Variants in USF3 observed in about 807,000 individuals in gnomAD.
USF3 encodes the protein upstream transcription factor family member 3.
USF3 carries 29 observed loss-of-function variants against 157.5 expected under a neutral mutation model. The observed-to-expected ratio is 0.18, with a 90% CI of 0.14 to 0.25. The LOEUF is 0.25. USF3 is among the 10% of genes least tolerant of loss of function. The pLI, the probability that USF3 is intolerant of heterozygous loss-of-function variation, is 1.00. For synonymous variants in USF3, 893 were observed against 941.4 expected, an observed-to-expected ratio of 0.95 and a Z score of 0.94; for missense variants, 2,381 against 2,667.6, an observed-to-expected ratio of 0.89 and a Z score of 2.37.
chr3:113,688,776 C>T (rs1024067815), intron 1 of USF3, among the ~76,000 whole-genome samples: 4 of 152,156 alleles, frequency 2.6e-5, no homozygotes, highest in South Asian at 2.1e-4. Context: ...CGCGGTGGCT[C>T]ACGCCTGTAA....
At chr3:113,675,005 G>T in intron 2 of USF3, 109 bp from the exon 3 acceptor site, 1 of 722,220 alleles carries the variant, frequency 1.4e-6, no homozygotes. Context: ...AAATAAAATT[G>T]ACATTGAAAA....
chr3:113,650,959 C>T lies in USF3; in HGVS notation c.*3985G>A, dbSNP rs1273005166. On this transcript the variant is annotated 3_prime_UTR_variant, in exon 7 of 7. Coordinates refer to ENST00000316407, the MANE Select transcript of USF3 (RefSeq NM_001009899.4). ...TTACAATAAAAACAAAAATAAATTT[C>T]CTGAACCGGTATAAAACAACATATA... 6.6e-6 allele frequency: 1 copy of T among 152,118 alleles called. No individual in the cohort carries two copies. The highest frequency in any genetic ancestry group is 2.4e-5 in the African/African-American group (1 of 41,420). 9.4% of individuals were successfully genotyped at this position (152,118 alleles called of 1,614,324 possible).
At chr3:113,670,559 T>G (rs1312180760) in intron 4 of USF3, among the ~76,000 whole-genome samples, 1 of 151,760 alleles carries the variant, frequency 6.6e-6, no homozygotes, top group African/African-American at 2.4e-5. Context: ...GAGATCATGC[T>G]GCTGCTCTCC....
At chr3:113,682,293 T>C (rs1231075914) in intron 1 of USF3, among the ~76,000 whole-genome samples, 1 of 151,546 alleles carries the variant, frequency 6.6e-6, no homozygotes, top group Non-Finnish European at 1.5e-5. Flanking sequence ...CCACCGCACT[T>C]CAGCTTGGGA....
At position 113,655,880 on chromosome 3, in the gene USF3, G is replaced by A; in HGVS notation, c.5802C>T (p.His1934=). The A allele has an allele frequency of 1.5e-5, 25 of 1,614,178 alleles. No individual in the cohort carries two copies. Among genetic ancestry groups the A allele is most frequent in the Non-Finnish European group, 2.0e-5 (24 of 1,180,034 alleles). Residue 1934 remains histidine, a synonymous_variant, in exon 7 of 7, where the codon CAC becomes CAT. Transcript: ENST00000316407. ...RITESHATKG[H]MNPPVTTNMH... ...TGTTGGTTGTGACTGGAGGGTTCAT[G>A]TGGCCCTTGGTGGCATGACTCTCAG...
intron 1 of USF3, among the ~76,000 whole-genome samples, chr3:113,687,257 ACACACACACC>A (rs1200256826): frequency 5.9e-5 from 9 of 151,352 alleles, no homozygotes; most frequent in Non-Finnish European, 1.0e-4. Context: ...ACACACACAC[ACACACACACC>A]CCCTTTCTAG....
chr3:113,693,530 C>T (rs1013439680), intron 1 of USF3, among the ~76,000 whole-genome samples: 3 of 152,092 alleles, frequency 2.0e-5, no homozygotes, highest in Admixed American at 1.3e-4. Context: ...TACTAACATA[C>T]CTAAGATGAA....
rs1947247826 is a variant in USF3, at chr3:113,650,789, T to C, written c.*4155A>G. 6.6e-6 allele frequency: 1 copy of C among 152,162 alleles called. No homozygotes were observed. Among genetic ancestry groups the C allele is most frequent in the Non-Finnish European group, 1.5e-5 (1 of 68,038 alleles). 9.4% of individuals were successfully genotyped at this position (152,162 alleles called of 1,614,324 possible). A position where few individuals can be genotyped will look rare whatever the true frequency, so the allele number is the denominator to read the frequency against. On this transcript the variant is annotated 3_prime_UTR_variant, in exon 7 of 7. Transcript: ENST00000316407. ...GTTGCAGTTCAGTATAACCCTGATA[T>C]GTGACTGGAAAATGCTGCAAAAAAA...
chr3:113,663,680 A>C (rs1201573515), intron 6 of USF3, among the ~76,000 whole-genome samples: 1 of 152,192 alleles, frequency 6.6e-6, no homozygotes, highest in Non-Finnish European at 1.5e-5. Flanking sequence ...TAAATAAAAG[A>C]CAATTTCAAA....
intron 1 of USF3, among the ~76,000 whole-genome samples, chr3:113,684,391 T>C (rs934896039): frequency 6.6e-6 from 1 of 152,178 alleles, no homozygotes. Flanking sequence ...AATACTGATA[T>C]CTTTCTCTAG....
rs904300588 is a variant in USF3, at chr3:113,650,914, C to G, written c.*4030G>C. The G allele has an allele frequency of 1.3e-5, 2 of 152,106 alleles. No homozygotes were observed. The highest frequency in any genetic ancestry group is 2.9e-5 in the Non-Finnish European group (2 of 68,024). 9.4% of individuals were successfully genotyped at this position (152,106 alleles called of 1,614,324 possible). A position where few individuals can be genotyped will look rare whatever the true frequency, so the allele number is the denominator to read the frequency against. ...ACCTTACCTAGAAAAAAGGTGCCAT[C>G]TCTGGTACCGCAAAAGGTCTTACAA... On this transcript the variant is annotated 3_prime_UTR_variant, in exon 7 of 7. Coordinates refer to ENST00000316407, the MANE Select transcript of USF3 (RefSeq NM_001009899.4).
chr3:113,696,175 C>T lies in USF3; in HGVS notation c.-135+195G>A, dbSNP rs575999844. ...CGGGAGATGAGGGGTGCGCTCGCCG[C>T]GGGCGCTGACGCCCCACCAGGTGCC... On this transcript the variant is annotated intron_variant, in intron 1 of 6. Transcript: ENST00000316407. Among the ~76,000 whole-genome samples the T allele has an allele frequency of 2.6e-5, 4 of 152,312 alleles. No homozygotes were observed. In the East Asian group the frequency reaches 7.7e-4, roughly 29 times the overall value.
Position 113,656,340 on chromosome 3 carries a change from G to A in USF3, c.5342C>T (p.Thr1781Ile), listed in dbSNP as rs770442236. 6.2e-6 allele frequency: 10 copies of A among 1,614,090 alleles called. No individual in the cohort carries two copies. The highest frequency in any genetic ancestry group is 3.3e-5 in the Admixed American group (2 of 60,008). ...QSQAFRISQN[T>I]GPPPIDRQKR... is the part of the protein sequence containing the mutation. ...TTGACGGTCAATTGGTGGGGGGCCAGTGTTTTGACTAATTCGAAAAGCCTG... is the reference window on the plus strand; with the variant it reads ...TTGACGGTCAATTGGTGGGGGGCCAATGTTTTGACTAATTCGAAAAGCCTG... The change falls in exon 7 of 7, where the codon ACT becomes ATT. Residue 1781 changes from threonine (T) to isoleucine (I), a missense_variant. Around this residue, in one of 6 missense-constraint regions of USF3, gnomAD observed 770 missense variants for 824.2 expected, o/e 0.93. Transcript: ENST00000316407.
At chr3:113,663,810 TTATC>T (rs1400134656) in intron 6 of USF3, among the ~76,000 whole-genome samples, 17 of 152,358 alleles carry the variant, frequency 1.1e-4, no homozygotes, top group African/African-American at 3.6e-4. Flanking sequence ...AAAGTCACCT[TTATC>T]TAAGAATCAA....
rs751606393 is a variant in USF3 at position 113,659,794 on chromosome 3, C to T, written c.1888G>A (p.Gly630Arg). ...QNVPTPQTFG[G>R]KHLVHILPRP... The stretch of plus-strand genomic sequence containing the variant: ...GGTAATATGTGGACAAGATGCTTTC[C>T]TCCAAAAGTCTGTGGTGTTGGAACA... The change falls in exon 7 of 7, where the codon GGA becomes AGA. Residue 630 changes from glycine (G) to arginine (R), a missense_variant. Transcript: ENST00000316407. 19 of 1,614,232 alleles carry T rather than the reference C, an allele frequency of 1.2e-5. No homozygotes were observed. Among genetic ancestry groups the T allele is most frequent in the Non-Finnish European group, 1.4e-5 (16 of 1,180,048 alleles).
rs1393676713 is a variant in USF3 at position 113,653,934 on chromosome 3, G to A, written c.*1010C>T. Reference sequence around the variant, plus strand: ...CTATCAGTAAATGAAAATACTGACAGAGCTTAAATCTCTGTTCAGAAATAT... The same window carrying A: ...CTATCAGTAAATGAAAATACTGACAAAGCTTAAATCTCTGTTCAGAAATAT... On this transcript the variant is annotated 3_prime_UTR_variant, in exon 7 of 7. Transcript: ENST00000316407. The A allele has an allele frequency of 1.3e-5, 2 of 152,172 alleles. No individual in the cohort carries two copies. The highest frequency in any genetic ancestry group is 3.8e-4 in the East Asian group (2 of 5,202). The allele number at this position is 152,172 out of a possible 1,614,324, so 9.4% of individuals were successfully genotyped here. A position where few individuals can be genotyped will look rare whatever the true frequency, so the allele number is the denominator to read the frequency against.
At chr3:113,664,161 G>A in intron 6 of USF3, 152 bp downstream of exon 6, 1 of 538,854 alleles carries the variant, frequency 1.9e-6, no homozygotes, top group Non-Finnish European at 3.3e-6. Context: ...TGAATTTATT[G>A]GTAACATTAT....
chr3:113,691,508 A>T (rs1181386596), intron 1 of USF3, among the ~76,000 whole-genome samples: 2 of 152,112 alleles, frequency 1.3e-5, no homozygotes, highest in Non-Finnish European at 2.9e-5. Context: ...TCCTTCGGAG[A>T]TCTTCTCTGT....
rs552899454 is a variant in USF3, at chr3:113,650,529, C to T, written c.*4415G>A. 4.6e-5 allele frequency: 7 copies of T among 152,198 alleles called. No homozygotes were observed. The South Asian group carries it at 1.5e-3, about 32-fold the overall frequency. The allele number at this position is 152,198 out of a possible 1,614,324, so 9.4% of individuals were successfully genotyped here. A position where few individuals can be genotyped will look rare whatever the true frequency, so the allele number is the denominator to read the frequency against. On this transcript the variant is annotated 3_prime_UTR_variant, in exon 7 of 7. Transcript: ENST00000316407. ...GCAGATGGAAGAGCATAAGTGCCTA[C>T]CTATCAAAGGGAAGATAAAGCTAAG...
Sources: allele counts gnomAD v4.1 joint callset (sites outside exome capture counted in the v4.1 genomes callset), GRCh38; gene constraint gnomAD v4.1.1; regional missense constraint gnomAD v4.1.1; transcripts MANE v1.5; gene names NCBI Gene and HGNC (gene_info 2026-07-23, HGNC 2026-07-21).